LGR6: variants seen among roughly 807,000 people sequenced by gnomAD.
LGR6 encodes leucine rich repeat containing G protein-coupled receptor 6.
In LGR6, 45 loss-of-function variants were observed where a neutral mutation model predicts 69.4. The observed-to-expected ratio is 0.65, with a 90% CI of 0.51 to 0.83. The LOEUF is 0.83. LGR6 is among the 40% of genes least tolerant of loss of function. The probability of loss-of-function intolerance (pLI) is 0.00; values close to 1 mark genes in which losing one functional copy is unlikely to be tolerated. For missense variants in LGR6, 1,108 were observed against 1,246.7 expected, an observed-to-expected ratio of 0.89 and a Z score of 1.68; for synonymous variants, 538 against 555.0, an observed-to-expected ratio of 0.97 and a Z score of 0.43.
intron 6 of LGR6, among the ~76,000 whole-genome samples, chr1:202,281,324 T>G (rs1665987615): frequency 6.6e-6 from 1 of 152,090 alleles, no homozygotes; most frequent in African/African-American, 2.4e-5. Flanking sequence ...TGCCAATTGA[T>G]CGAACTAGCT....
At chr1:202,287,637 C>A (rs773421935) in intron 6 of LGR6, among the ~76,000 whole-genome samples, 1 of 152,194 alleles carries the variant, frequency 6.6e-6, no homozygotes, top group Non-Finnish European at 1.5e-5. Context: ...GAAGTCTTCC[C>A]CAGCTCAGTG....
At chr1:202,207,316 G>C (rs1214760927) in intron 1 of LGR6, among the ~76,000 whole-genome samples, 3 of 152,188 alleles carry the variant, frequency 2.0e-5, no homozygotes, top group Non-Finnish European at 4.4e-5. Flanking sequence ...CCACAGGGGA[G>C]ATGAGGCAGC....
At chr1:202,226,310 C>T (rs1480228099) in intron 2 of LGR6, among the ~76,000 whole-genome samples, 13 of 152,144 alleles carry the variant, frequency 8.5e-5, no homozygotes, top group Admixed American at 8.5e-4. Flanking sequence ...TAGATCCTTG[C>T]GGCTCTAGAA....
At chr1:202,305,640 T>C (rs765286742) in intron 11 of LGR6, 44 bp from the exon 12 acceptor site, 7 of 1,565,116 alleles carry the variant, frequency 4.5e-6, no homozygotes, top group African/African-American at 2.7e-5. Flanking sequence ...AGCCCTCAGA[T>C]AGCCACCATT....
chr1:202,294,774 G>T (rs1244754143), intron 6 of LGR6, among the ~76,000 whole-genome samples: 2 of 152,198 alleles, frequency 1.3e-5, no homozygotes, highest in Non-Finnish European at 2.9e-5. Flanking sequence ...CACATCTTGA[G>T]AGGAGAAGCT....
At position 202,231,552 on chromosome 1, in the gene LGR6, T is replaced by A. The variant is rs188657074; in HGVS notation, c.356+3545T>A. The stretch of plus-strand genomic sequence containing the variant: ...GAGCCTCACCAGACCCCAGAACAGA[T>A]GTTAAGGAGGATCTCAGATTTCCTC... On this transcript the variant is annotated intron_variant, in intron 3 of 17. Coordinates refer to ENST00000367278, the MANE Select transcript of LGR6 (RefSeq NM_001017403.2). 7.2e-5 allele frequency among the ~76,000 whole-genome samples: 11 copies of A among 152,320 alleles called. No individual in the cohort carries two copies. In the East Asian group the frequency reaches 1.7e-3, roughly 24 times the overall value.
At chr1:202,220,693 A>G (rs1190961522) in intron 1 of LGR6, among the ~76,000 whole-genome samples, 1 of 150,362 alleles carries the variant, frequency 6.7e-6, no homozygotes, top group Admixed American at 6.7e-5. Flanking sequence ...CTCAGTAAGC[A>G]CTGTTGAGTG....
At chr1:202,207,437 T>A (rs1189477250) in intron 1 of LGR6, among the ~76,000 whole-genome samples, 1 of 152,138 alleles carries the variant, frequency 6.6e-6, no homozygotes, top group Non-Finnish European at 1.5e-5. Flanking sequence ...CCAGGGACTA[T>A]GGGGTGCATT....
At chr1:202,265,487 G>A (rs1165629041) in intron 4 of LGR6, among the ~76,000 whole-genome samples, 1 of 152,208 alleles carries the variant, frequency 6.6e-6, no homozygotes, top group African/African-American at 2.4e-5. Context: ...AGTGACCTGG[G>A]AAGTGTCTCT....
intron 4 of LGR6, among the ~76,000 whole-genome samples, chr1:202,275,887 G>A (rs1255470320): frequency 6.6e-6 from 1 of 152,200 alleles, no homozygotes; most frequent in African/African-American, 2.4e-5. Flanking sequence ...CGGGAGTATG[G>A]ATGTGAAGGG....
intron 7 of LGR6, among the ~76,000 whole-genome samples, chr1:202,299,533 A>G (rs549730108): frequency 4.6e-5 from 7 of 152,290 alleles, no homozygotes; most frequent in African/African-American, 7.2e-5. Context: ...TCTCTCATCT[A>G]TTGAGAGAAA....
intron 1 of LGR6, among the ~76,000 whole-genome samples, chr1:202,195,454 C>T (rs951712247): frequency 6.6e-6 from 1 of 152,220 alleles, no homozygotes; most frequent in African/African-American, 2.4e-5. Context: ...CCAAAAGGCA[C>T]AGGCTGTGGG....
chr1:202,234,657 G>A (rs11585582), intron 3 of LGR6, among the ~76,000 whole-genome samples: 10,464 of 152,288 alleles, frequency 0.069, 623 homozygotes, highest in African/African-American at 0.16. Context: ...CCCTCAGCAT[G>A]AGGATGATAA....
chr1:202,296,165 T>C (rs904176206), intron 6 of LGR6, among the ~76,000 whole-genome samples: 1 of 151,906 alleles, frequency 6.6e-6, no homozygotes, highest in Non-Finnish European at 1.5e-5. Flanking sequence ...AGGGCAGGGG[T>C]GGCTTTAAAA....
At chr1:202,246,585 A>C (rs947402223) in intron 4 of LGR6, among the ~76,000 whole-genome samples, 2 of 151,682 alleles carry the variant, frequency 1.3e-5, no homozygotes, top group African/African-American at 4.9e-5. Flanking sequence ...GGTCTGATGT[A>C]GGAATATTAG....
chr1:202,249,574 A>G (rs1663057838), intron 4 of LGR6, among the ~76,000 whole-genome samples: 2 of 152,214 alleles, frequency 1.3e-5, no homozygotes, highest in Admixed American at 1.3e-4. Flanking sequence ...TTCAAACTGA[A>G]CATTTCTCAA....
chr1:202,307,541 G>T, intron 14 of LGR6, 140 bp downstream of exon 14: 2 of 701,350 alleles, frequency 2.9e-6, no homozygotes, highest in South Asian at 3.4e-5. Flanking sequence ...CAATCATTCT[G>T]ACAATCCGTT....
chr1:202,206,748 A>T (rs2147907031), intron 1 of LGR6, among the ~76,000 whole-genome samples: 1 of 152,134 alleles, frequency 6.6e-6, no homozygotes, highest in Middle Eastern at 3.4e-3. Context: ...AAAAAACTTA[A>T]AACTTATAAT....
At chr1:202,316,751 A>G (rs973727510) in intron 17 of LGR6, among the ~76,000 whole-genome samples, 18 of 152,206 alleles carry the variant, frequency 1.2e-4, no homozygotes, top group African/African-American at 4.1e-4. Flanking sequence ...AAAAGGTTTA[A>G]AAATAGCTCC....
Sources: gnomAD v4.1 joint callset for allele counts (sites outside exome capture counted in the v4.1 genomes callset) on GRCh38, gnomAD v4.1.1 for gene constraint, MANE v1.5 for transcripts, NCBI Gene and HGNC (gene_info 2026-07-23, HGNC 2026-07-21) for gene names.